Variants in COL26A1 observed in about 807,000 individuals in gnomAD.
COL26A1 encodes the protein collagen alpha-1(XXVI) chain.
A neutral mutation model predicts 59.3 loss-of-function variants in COL26A1; 41 were observed. The observed-to-expected ratio is 0.69, with a 90% CI of 0.54 to 0.90. The LOEUF (loss-of-function observed/expected upper bound fraction) is 0.90, where lower values mean the gene tolerates loss of function less well. Ranked by LOEUF, COL26A1 falls within the 40% of genes least tolerant of loss-of-function variation. The probability of loss-of-function intolerance (pLI) is 0.00; values close to 1 mark genes in which losing one functional copy is unlikely to be tolerated. For synonymous variants in COL26A1, 266 were observed against 256.0 expected (o/e 1.04, Z -0.37); for missense variants, 612 against 602.3 (o/e 1.02, Z -0.17).
At chr7:101,425,890 G>T (rs73396708) in intron 2 of COL26A1, among the ~76,000 whole-genome samples, 16,624 of 149,246 alleles carry the variant, frequency 0.11, 1,764 homozygotes, top group African/African-American at 0.28. Flanking sequence ...GCGGTGGCGT[G>T]ATCTCAGCTC....
chr7:101,399,484 T>C (rs995536178), intron 1 of COL26A1, among the ~76,000 whole-genome samples: 1 of 152,026 alleles, frequency 6.6e-6, no homozygotes, highest in Non-Finnish European at 1.5e-5. Context: ...CCACCACACC[T>C]GGCTAATTTT....
At chr7:101,527,726 G>T (rs889492722) in intron 3 of COL26A1, among the ~76,000 whole-genome samples, 2 of 151,926 alleles carry the variant, frequency 1.3e-5, no homozygotes, top group African/African-American at 4.8e-5. Flanking sequence ...TATTGGCAAA[G>T]GTTTACCCCG....
chr7:101,508,248 G>A (rs1044567906), intron 3 of COL26A1, among the ~76,000 whole-genome samples: 17 of 152,178 alleles, frequency 1.1e-4, no homozygotes, highest in African/African-American at 2.9e-4. Context: ...CTGGCCAGGC[G>A]CGGTGGCCCA....
chr7:101,386,920 T>G (rs1012051135), intron 1 of COL26A1, among the ~76,000 whole-genome samples: 1 of 152,154 alleles, frequency 6.6e-6, no homozygotes, highest in Non-Finnish European at 1.5e-5. Context: ...GACAGCTGCT[T>G]GTGGGGACAG....
At chr7:101,516,286 A>G (rs1416298044) in intron 3 of COL26A1, among the ~76,000 whole-genome samples, 1 of 151,536 alleles carries the variant, frequency 6.6e-6, no homozygotes, top group Non-Finnish European at 1.5e-5. Context: ...TTTTTTAGAG[A>G]GAGAAAGAGA....
At chr7:101,402,929 T>C (rs1792049854) in intron 1 of COL26A1, among the ~76,000 whole-genome samples, 1 of 151,596 alleles carries the variant, frequency 6.6e-6, no homozygotes, top group African/African-American at 2.4e-5. Flanking sequence ...CACTGCAGCC[T>C]TGACCTCCGG....
intron 10 of COL26A1, 180 bp from the exon 11 acceptor site, chr7:101,553,146 G>C (rs1187962822): frequency 1.8e-6 from 1 of 555,788 alleles, no homozygotes; most frequent in Non-Finnish European, 3.2e-6. Context: ...GTGCCCCGGA[G>C]CCGTGGCCTC....
chr7:101,555,915 T>A (rs759181071), intron 12 of COL26A1, 44 bp downstream of exon 12: 1 of 1,498,144 alleles, frequency 6.7e-7, no homozygotes, highest in Non-Finnish European at 9.1e-7. Context: ...CTCTCTCCCC[T>A]CCTTCCTCTC....
At position 101,539,871 on chromosome 7, in the gene COL26A1, C is replaced by T. The variant is rs372981039; in HGVS notation, c.448-22C>T. ...TGTGTCAGGCCCAACTGGGACCTGA[C>T]TCTCTATCTCCTTTGGCCCAGGTCC... On this transcript the variant is annotated intron_variant, in intron 4 of 12. Transcript: ENST00000313669. 1.2e-4 allele frequency: 189 copies of T among 1,601,778 alleles called. 1 individual carries two copies. The African/African-American group carries it at 2.4e-3, about 20-fold the overall frequency.
At chr7:101,365,911 T>G (rs1335776566) in intron 1 of COL26A1, among the ~76,000 whole-genome samples, 7 of 152,164 alleles carry the variant, frequency 4.6e-5, no homozygotes, top group Non-Finnish European at 8.8e-5. Flanking sequence ...GGGACCTCAT[T>G]CTGGCATTTG....
chr7:101,419,672 A>G (rs895019777), intron 1 of COL26A1, among the ~76,000 whole-genome samples: 1 of 152,122 alleles, frequency 6.6e-6, no homozygotes, highest in South Asian at 2.1e-4. Context: ...TGCTGTTCCT[A>G]TGGACTGTGT....
intron 2 of COL26A1, among the ~76,000 whole-genome samples, chr7:101,420,674 C>T (rs545615812): frequency 1.8e-4 from 25 of 140,274 alleles, no homozygotes; most frequent in African/African-American, 5.5e-4. Context: ...AGCTCTGCCC[C>T]TACCAGCCAC....
chr7:101,475,839 T>C (rs148782375), intron 3 of COL26A1, among the ~76,000 whole-genome samples: 3,165 of 148,776 alleles, frequency 0.021, 52 homozygotes, highest in Non-Finnish European at 0.034. Context: ...TCTCTCTCTC[T>C]CTTTCTTTCT....
chr7:101,495,447 C>T (rs1211887086), intron 3 of COL26A1, among the ~76,000 whole-genome samples: 8 of 150,770 alleles, frequency 5.3e-5, no homozygotes, highest in African/African-American at 9.8e-5. Context: ...CTCGCTCTGT[C>T]GCCCAGGCTG....
intron 1 of COL26A1, among the ~76,000 whole-genome samples, chr7:101,392,988 A>G (rs1022847876): frequency 7.2e-6 from 1 of 138,670 alleles, no homozygotes; most frequent in African/African-American, 2.8e-5. Context: ...TACATTTTCA[A>G]TAAAAAAATG....
chr7:101,533,035 C>T, intron 3 of COL26A1, 47 bp from the exon 4 acceptor site: 1 of 1,456,546 alleles, frequency 6.9e-7, no homozygotes. Flanking sequence ...CTGCTGTCTT[C>T]CTAGGGTCTA....
intron 1 of COL26A1, among the ~76,000 whole-genome samples, chr7:101,390,155 T>TTTTG (rs1791692880): frequency 8.8e-6 from 1 of 113,298 alleles, no homozygotes; most frequent in Non-Finnish European, 1.7e-5. Flanking sequence ...AGGGTTTTTT[T>TTTTG]TTTTTTTTTT....
intron 1 of COL26A1, among the ~76,000 whole-genome samples, chr7:101,373,673 A>T (rs913929368): frequency 1.3e-5 from 2 of 152,066 alleles, no homozygotes; most frequent in African/African-American, 4.8e-5. Flanking sequence ...CTTTTAGGGG[A>T]ACCATGGAGA....
intron 3 of COL26A1, among the ~76,000 whole-genome samples, chr7:101,469,486 G>A (rs1473015797): frequency 7.1e-6 from 1 of 141,190 alleles, no homozygotes; most frequent in Non-Finnish European, 1.5e-5. Context: ...GGGTTTACAC[G>A]ATTTCTCTCT....
Sources: allele counts gnomAD v4.1 joint callset (sites outside exome capture counted in the v4.1 genomes callset), GRCh38; gene constraint gnomAD v4.1.1; transcripts MANE v1.5; gene names NCBI Gene and HGNC (gene_info 2026-07-23, HGNC 2026-07-21).